The following CCDC57 variants were observed in gnomAD, a reference collection of about 807,000 sequenced individuals.
CCDC57 encodes the protein coiled-coil domain-containing protein 57.
A neutral mutation model predicts 118.9 loss-of-function variants in CCDC57; 118 were observed. The ratio of observed to expected loss-of-function variants is 0.99; its 90% CI spans 0.86 to 1.16. The LOEUF (loss-of-function observed/expected upper bound fraction) is 1.16. CCDC57 is among the 50% of genes most tolerant of loss of function. The pLI, the probability that CCDC57 is intolerant of heterozygous loss-of-function variation, is 0.00. For missense variants in CCDC57, 1,300 were observed against 1,320.7 expected (o/e 0.98, Z 0.24); for synonymous variants, 527 against 532.9 (o/e 0.99, Z 0.15).
rs531292983 is a variant in CCDC57, at chr17:82,126,889, T to A, written c.2899+803A>T. On this transcript the variant is annotated intron_variant, in intron 19 of 19. Transcript: ENST00000665763. ...CACCCTCATGACGGAAGACAGAAGC[T>A]GTAAGGTAAGAAGGGGACGCCCTCC... 1.8e-5 allele frequency: 18 copies of A among 985,312 alleles called. No homozygotes were observed. The East Asian group carries it at 1.7e-3, about 93-fold the overall frequency. 61.0% of individuals were successfully genotyped at this position (985,312 alleles called of 1,614,324 possible). A position where few individuals can be genotyped will look rare whatever the true frequency, so the allele number is the denominator to read the frequency against.
In CCDC57 at chr17:82,163,416, G is replaced by T. The variant is rs891455138; in HGVS notation, c.1883-59C>A. On this transcript the variant is annotated intron_variant, in intron 13 of 19. Transcript: ENST00000665763. ...CTGAGAACAAAGGAAGACCTTTCTG[G>T]GGAGACACACATCTCTATCAGCTCT... The T allele has an allele frequency of 1.3e-5, 21 of 1,586,918 alleles. No homozygotes were observed. In the Admixed American group the frequency reaches 3.6e-4, roughly 27 times the overall value.
chr17:82,187,558 C>T (rs574454345), intron 8 of CCDC57, among the ~76,000 whole-genome samples: 10 of 9,100 alleles, frequency 1.1e-3, no homozygotes, highest in Middle Eastern at 0.071. Flanking sequence ...TGGCAGGGGT[C>T]GGGGGGGCAC....
intron 1 of CCDC57, among the ~76,000 whole-genome samples, chr17:82,208,418 G>A (rs550601160): frequency 6.6e-6 from 1 of 151,186 alleles, no homozygotes; most frequent in South Asian, 2.1e-4. Flanking sequence ...CACCATGCCC[G>A]GCTAATTTTT....
At chr17:82,129,321 C>T (rs2037958186) in intron 17 of CCDC57, among the ~76,000 whole-genome samples, 1 of 152,132 alleles carries the variant, frequency 6.6e-6, no homozygotes, top group Non-Finnish European at 1.5e-5. Context: ...CAAAAGGGGG[C>T]ACTAGGGAGC....
intron 13 of CCDC57, among the ~76,000 whole-genome samples, chr17:82,169,537 A>AG (rs919701795): frequency 2.0e-5 from 3 of 152,064 alleles, no homozygotes; most frequent in African/African-American, 7.2e-5. Flanking sequence ...CCCTACACTA[A>AG]GGGGGGCTGT....
At chr17:82,111,377 CTT>C (rs752590665) in intron 19 of CCDC57, among the ~76,000 whole-genome samples, 23 of 113,232 alleles carry the variant, frequency 2.0e-4, no homozygotes, top group Admixed American at 2.8e-4. Flanking sequence ...GCCTAGGGCC[CTT>C]TTTTTTTTTT....
chr17:82,114,929 C>G (rs1268341488), intron 19 of CCDC57, among the ~76,000 whole-genome samples: 1 of 152,160 alleles, frequency 6.6e-6, no homozygotes, highest in Non-Finnish European at 1.5e-5. Context: ...GCTTGTTGGC[C>G]CCACACTGCC....
exon 19 of CCDC57, chr17:82,127,786 G>C: frequency 1.2e-6 from 2 of 1,613,086 alleles, no homozygotes; most frequent in African/African-American, 1.3e-5. Context: ...TGGCAAAGGA[G>C]GAGGAGCTGT....
intron 7 of CCDC57, among the ~76,000 whole-genome samples, chr17:82,191,721 C>T (rs1445156335): frequency 2.0e-5 from 3 of 152,236 alleles, no homozygotes; most frequent in African/African-American, 7.2e-5. Flanking sequence ...GGGTAGAGTG[C>T]TGTGGCACCA....
At chr17:82,107,970 G>A (rs1055590421) in intron 19 of CCDC57, among the ~76,000 whole-genome samples, 1 of 152,200 alleles carries the variant, frequency 6.6e-6, no homozygotes, top group East Asian at 1.9e-4. Flanking sequence ...CCTCAGGATG[G>A]AAGTCCTGGT....
intron 17 of CCDC57, among the ~76,000 whole-genome samples, chr17:82,132,310 G>A (rs2038513172): frequency 6.6e-6 from 1 of 151,986 alleles, no homozygotes; most frequent in Non-Finnish European, 1.5e-5. Context: ...CAAAATCAAT[G>A]CAGAAGCTGA....
At chr17:82,140,116 C>T (rs986910413) in intron 16 of CCDC57, among the ~76,000 whole-genome samples, 3 of 152,018 alleles carry the variant, frequency 2.0e-5, no homozygotes, top group East Asian at 1.9e-4. Flanking sequence ...GACAGAGTCA[C>T]GCTCTGTTGT....
chr17:82,194,053 G>T, exon 6 of CCDC57: 1 of 1,613,844 alleles, frequency 6.2e-7, no homozygotes, highest in South Asian at 1.1e-5. Context: ...CCAGCTCGGC[G>T]TTGGTGGCCT....
intron 13 of CCDC57, among the ~76,000 whole-genome samples, chr17:82,170,149 C>T (rs953525899): frequency 3.9e-5 from 6 of 152,098 alleles, no homozygotes; most frequent in African/African-American, 1.4e-4. Flanking sequence ...TTGGAGACAG[C>T]GCCTCTGAGG....
intron 3 of CCDC57, among the ~76,000 whole-genome samples, chr17:82,199,359 T>G (rs974287610): frequency 6.6e-6 from 1 of 151,486 alleles, no homozygotes; most frequent in Non-Finnish European, 1.5e-5. Flanking sequence ...ACACCTGTAG[T>G]GACAGCTCCT....
intron 19 of CCDC57, chr17:82,113,207 T>A (rs761511235): frequency 9.0e-5 from 54 of 598,972 alleles, no homozygotes; most frequent in Middle Eastern, 4.2e-4. Flanking sequence ...CCACAGGTCA[T>A]GATAATCAGT....
chr17:82,198,535 T>C (rs1280202291), intron 3 of CCDC57, 113 bp from the exon 3 acceptor site: 2 of 725,184 alleles, frequency 2.8e-6, no homozygotes, highest in East Asian at 5.5e-5. Context: ...TATGAAGGGG[T>C]GGCTTCAGCA....
At chr17:82,101,590 T>C (rs997464367) in exon 20 of CCDC57, 7 of 1,134,900 alleles carry the variant, frequency 6.2e-6, no homozygotes, top group Middle Eastern at 4.6e-4. Flanking sequence ...CTGCACGCTG[T>C]GCCCACACCC....
intron 7 of CCDC57, among the ~76,000 whole-genome samples, chr17:82,189,918 G>A (rs1012775135): frequency 1.3e-5 from 2 of 152,256 alleles, no homozygotes; most frequent in East Asian, 3.9e-4. Context: ...GCCGAGGCAG[G>A]AGAATCACTT....
Sources: allele counts gnomAD v4.1 joint callset (sites outside exome capture counted in the v4.1 genomes callset), GRCh38; gene constraint gnomAD v4.1.1; transcripts MANE v1.5; gene names NCBI Gene and HGNC (gene_info 2026-07-23, HGNC 2026-07-21).